The following CFTR variants were observed in gnomAD, a reference collection of about 807,000 sequenced individuals.
CFTR encodes the protein CF transmembrane conductance regulator.
CFTR carries 181 observed loss-of-function variants against 171.6 expected under a neutral mutation model. The observed-to-expected ratio is 1.05, with a 90% CI of 0.93 to 1.19. The LOEUF (loss-of-function observed/expected upper bound fraction) is 1.19. Among genes scored for constraint, CFTR ranks in the 50% most tolerant of loss-of-function variants. The pLI is 0.00. For synonymous variants in CFTR, 583 were observed against 608.0 expected (o/e 0.96, Z 0.60); for missense variants, 1,968 against 1,734.7 (o/e 1.13, Z -2.39).
intron 21 of CFTR, among the ~76,000 whole-genome samples, chr7:117,620,148 G>A (rs1228892951): frequency 6.6e-6 from 1 of 151,304 alleles, no homozygotes; most frequent in Non-Finnish European, 1.5e-5. Context: ...ACAAATTTTT[G>A]TGGTATATTT....
intron 22 of CFTR, among the ~76,000 whole-genome samples, chr7:117,635,959 A>G (rs1792821449): frequency 6.6e-6 from 1 of 152,114 alleles, no homozygotes; most frequent in Admixed American, 6.5e-5. Flanking sequence ...TCTCTAATAC[A>G]CTTTCTTTCT....
At chr7:117,495,457 T>C (rs1226945049) in intron 1 of CFTR, among the ~76,000 whole-genome samples, 1 of 152,170 alleles carries the variant, frequency 6.6e-6, no homozygotes, top group African/African-American at 2.4e-5. Flanking sequence ...ATCCAAGTCA[T>C]GTGAGTGAAT....
chr7:117,544,217 AAGG>A (rs554142162), intron 9 of CFTR, among the ~76,000 whole-genome samples: 236 of 152,272 alleles, frequency 1.5e-3, no homozygotes, highest in South Asian at 0.012. Context: ...AGTTTTGGAG[AAGG>A]AAGTGCTATC....
intron 12 of CFTR, among the ~76,000 whole-genome samples, chr7:117,588,544 G>A (rs766699298): frequency 7.2e-5 from 11 of 152,058 alleles, no homozygotes; most frequent in Admixed American, 1.3e-4. Flanking sequence ...TGCCAAAGTC[G>A]TTAACAAGAA....
At chr7:117,621,411 T>C (rs1792578428) in intron 21 of CFTR, among the ~76,000 whole-genome samples, 1 of 152,214 alleles carries the variant, frequency 6.6e-6, no homozygotes, top group African/African-American at 2.4e-5. Flanking sequence ...CAACTCAGTC[T>C]TTGTAGAGAA....
chr7:117,578,283 A>G (rs1791800685), intron 11 of CFTR, among the ~76,000 whole-genome samples: 1 of 152,002 alleles, frequency 6.6e-6, no homozygotes, highest in African/African-American at 2.4e-5. Context: ...AACTATGAGG[A>G]CGAAGACCTT....
At chr7:117,519,861 T>A (rs1798659567) in intron 3 of CFTR, among the ~76,000 whole-genome samples, 1 of 151,954 alleles carries the variant, frequency 6.6e-6, no homozygotes, top group Non-Finnish European at 1.5e-5. Context: ...TAAAAGGTCC[T>A]TCAGTACACA....
chr7:117,512,890 G>A (rs1798543128), intron 3 of CFTR, among the ~76,000 whole-genome samples: 1 of 152,150 alleles, frequency 6.6e-6, no homozygotes, highest in Admixed American at 6.5e-5. Context: ...TGTCAGTGCA[G>A]CCTAGGTCAG....
chr7:117,609,379 G>A (rs1353016053), intron 18 of CFTR, among the ~76,000 whole-genome samples: 1 of 152,098 alleles, frequency 6.6e-6, no homozygotes, highest in East Asian at 1.9e-4. Flanking sequence ...GAAAATACAT[G>A]TGTCACTTAT....
intron 10 of CFTR, among the ~76,000 whole-genome samples, chr7:117,552,857 T>A (rs1226185215): frequency 6.6e-6 from 1 of 152,204 alleles, no homozygotes; most frequent in African/African-American, 2.4e-5. Context: ...GACTGCTGAA[T>A]ATTTCTGTCT....
intron 21 of CFTR, among the ~76,000 whole-genome samples, 162 bp from the exon 22 acceptor site, chr7:117,627,360 T>G (rs922878088): frequency 6.6e-6 from 1 of 152,160 alleles, no homozygotes; most frequent in African/African-American, 2.4e-5. Context: ...AACTTTTAAT[T>G]ATATCCAATT....
intron 1 of CFTR, among the ~76,000 whole-genome samples, chr7:117,487,187 G>A (rs1348640455): frequency 6.6e-6 from 1 of 152,110 alleles, no homozygotes; most frequent in East Asian, 1.9e-4. Context: ...ATTTGAAAAT[G>A]TATTAAAGTG....
intron 10 of CFTR, among the ~76,000 whole-genome samples, chr7:117,550,846 G>T (rs1033702485): frequency 6.6e-6 from 1 of 152,106 alleles, no homozygotes; most frequent in Non-Finnish European, 1.5e-5. Flanking sequence ...GGTCCCTTGG[G>T]AATATTTAAA....
At chr7:117,523,642 G>A (rs903234169) in intron 3 of CFTR, among the ~76,000 whole-genome samples, 2 of 152,182 alleles carry the variant, frequency 1.3e-5, no homozygotes, top group Non-Finnish European at 2.9e-5. Context: ...CTCCCAAAGT[G>A]CTGGGATTAC....
intron 15 of CFTR, among the ~76,000 whole-genome samples, chr7:117,596,350 C>T (rs1238614868): frequency 6.6e-6 from 1 of 152,228 alleles, no homozygotes; most frequent in Non-Finnish European, 1.5e-5. Context: ...CGGGGCAGGG[C>T]TCGGGACCTG....
intron 24 of CFTR, among the ~76,000 whole-genome samples, chr7:117,659,001 G>GGCTT (rs1181594393): frequency 1.3e-5 from 2 of 152,074 alleles, no homozygotes; most frequent in African/African-American, 4.8e-5. Flanking sequence ...TCATGATTTT[G>GGCTT]TCTTTGTTTG....
At chr7:117,629,271 T>TG (rs1333352186) in intron 22 of CFTR, among the ~76,000 whole-genome samples, 9 of 152,202 alleles carry the variant, frequency 5.9e-5, no homozygotes, top group Non-Finnish European at 1.2e-4. Flanking sequence ...CATAAGGCTA[T>TG]GGATTGTGCC....
intron 3 of CFTR, among the ~76,000 whole-genome samples, chr7:117,519,809 T>C (rs1798658410): frequency 6.6e-6 from 1 of 151,992 alleles, no homozygotes; most frequent in Non-Finnish European, 1.5e-5. Context: ...AATCAGTTCC[T>C]CATCATTGAG....
At chr7:117,521,332 A>G (rs1298234039) in intron 3 of CFTR, among the ~76,000 whole-genome samples, 1 of 152,000 alleles carries the variant, frequency 6.6e-6, no homozygotes, top group African/African-American at 2.4e-5. Context: ...TTCTAGAAAA[A>G]TGTTAAATGG....
Sources: allele counts gnomAD v4.1 joint callset (sites outside exome capture counted in the v4.1 genomes callset), GRCh38; gene constraint gnomAD v4.1.1; transcripts MANE v1.5; gene names NCBI Gene and HGNC (gene_info 2026-07-23, HGNC 2026-07-21).